The following NKAIN2 variants were observed in gnomAD, a reference collection of about 807,000 sequenced individuals.
NKAIN2 encodes sodium/potassium transporting ATPase interacting 2.
Under a neutral mutation model 32.6 loss-of-function variants are expected in NKAIN2, and 14 were observed. The observed-to-expected ratio is 0.43, with a 90% CI of 0.28 to 0.67. The LOEUF (loss-of-function observed/expected upper bound fraction) is 0.67. Ranked by LOEUF, NKAIN2 falls within the 30% of genes least tolerant of loss-of-function variation. The pLI, the probability that NKAIN2 is intolerant of heterozygous loss-of-function variation, is 0.17. For synonymous variants in NKAIN2, 80 were observed against 87.2 expected (o/e 0.92, Z 0.46); for missense variants, 198 against 258.3 (o/e 0.77, Z 1.60).
chr6:124,500,681 TAAATAATAA>T (rs1160753123), intron 3 of NKAIN2, among the ~76,000 whole-genome samples: 1 of 150,736 alleles, frequency 6.6e-6, no homozygotes, highest in African/African-American at 2.4e-5. Context: ...AATAAATAAA[TAAATAATAA>T]AATAAATAAA....
At chr6:124,409,981 A>G (rs1180860027) in intron 3 of NKAIN2, among the ~76,000 whole-genome samples, 1 of 152,144 alleles carries the variant, frequency 6.6e-6, no homozygotes, top group African/African-American at 2.4e-5. Flanking sequence ...TTATTTGCAT[A>G]GAGGTGTTTA....
intron 3 of NKAIN2, among the ~76,000 whole-genome samples, chr6:124,601,225 C>T (rs756210769): frequency 1.3e-5 from 2 of 152,032 alleles, no homozygotes; most frequent in East Asian, 1.9e-4. Flanking sequence ...GTTAGCTTCA[C>T]GGCTTCCATT....
chr6:123,828,514 T>G (rs1198674041), intron 1 of NKAIN2, among the ~76,000 whole-genome samples: 1 of 152,190 alleles, frequency 6.6e-6, no homozygotes, highest in Non-Finnish European at 1.5e-5. Context: ...CCTAAAAGCC[T>G]ATTTAATATC....
intron 1 of NKAIN2, among the ~76,000 whole-genome samples, chr6:124,172,832 T>C (rs898693220): frequency 1.3e-5 from 2 of 152,132 alleles, no homozygotes; most frequent in East Asian, 3.9e-4. Context: ...TACATTAATA[T>C]TCAGAAATCA....
At chr6:124,024,947 ACTGCTCC>A (rs1781038270) in intron 1 of NKAIN2, among the ~76,000 whole-genome samples, 7 of 151,616 alleles carry the variant, frequency 4.6e-5, no homozygotes, top group African/African-American at 7.3e-5. Context: ...GGATGGCGCC[ACTGCTCC>A]AGCCTGGCAA....
chr6:124,719,110 T>C (rs1405103210), intron 4 of NKAIN2, among the ~76,000 whole-genome samples: 1 of 152,218 alleles, frequency 6.6e-6, no homozygotes. Flanking sequence ...TGGTATGATT[T>C]ATCATCTATC....
At chr6:124,489,287 T>C (rs866514610) in intron 3 of NKAIN2, among the ~76,000 whole-genome samples, 2 of 151,890 alleles carry the variant, frequency 1.3e-5, no homozygotes, top group African/African-American at 4.8e-5. Context: ...GTCATGAAAC[T>C]TGCCATGTCA....
At chr6:124,688,015 T>A (rs1247788374) in intron 4 of NKAIN2, among the ~76,000 whole-genome samples, 1 of 152,006 alleles carries the variant, frequency 6.6e-6, no homozygotes, top group Non-Finnish European at 1.5e-5. Context: ...AACAATTTAC[T>A]AACCATCATT....
chr6:124,397,275 G>A (rs1422994317), intron 3 of NKAIN2, among the ~76,000 whole-genome samples: 1 of 151,892 alleles, frequency 6.6e-6, no homozygotes, highest in Non-Finnish European at 1.5e-5. Flanking sequence ...ATAAATAAAT[G>A]TAATTATAAT....
intron 3 of NKAIN2, among the ~76,000 whole-genome samples, chr6:124,647,309 G>A (rs988280292): frequency 9.9e-5 from 15 of 151,682 alleles, no homozygotes; most frequent in Admixed American, 6.6e-5. Flanking sequence ...CACTTTGGAA[G>A]GCTGAGGCAG....
chr6:123,865,051 A>G (rs1206583717), intron 1 of NKAIN2, among the ~76,000 whole-genome samples: 2 of 152,150 alleles, frequency 1.3e-5, no homozygotes, highest in Admixed American at 6.5e-5. Context: ...CTTAGAAAAG[A>G]CCATTCTTTT....
intron 1 of NKAIN2, among the ~76,000 whole-genome samples, chr6:124,232,586 G>A (rs1204371747): frequency 6.6e-6 from 1 of 152,124 alleles, no homozygotes; most frequent in Non-Finnish European, 1.5e-5. Flanking sequence ...TGACACCCAA[G>A]ACAAGAAACA....
intron 1 of NKAIN2, among the ~76,000 whole-genome samples, chr6:124,122,191 A>G (rs1330505299): frequency 1.3e-5 from 2 of 152,110 alleles, no homozygotes; most frequent in Non-Finnish European, 1.5e-5. Flanking sequence ...CCATTTACCT[A>G]TAATGACATA....
intron 4 of NKAIN2, among the ~76,000 whole-genome samples, chr6:124,782,391 G>A (rs764795241): frequency 2.6e-5 from 4 of 152,056 alleles, no homozygotes; most frequent in Non-Finnish European, 5.9e-5. Context: ...AGAAGGAAAT[G>A]TTAACGTAGT....
At chr6:124,171,547 A>ATTTTTTTTTT (rs10665262) in intron 1 of NKAIN2, among the ~76,000 whole-genome samples, 12 of 96,466 alleles carry the variant, frequency 1.2e-4, no homozygotes, top group Admixed American at 4.3e-4. Context: ...GGCCGATTTG[A>ATTTTTTTTTT]TTTTTTTTTT....
chr6:124,318,083 T>C (rs759995844), intron 2 of NKAIN2, among the ~76,000 whole-genome samples: 4 of 152,036 alleles, frequency 2.6e-5, no homozygotes, highest in Non-Finnish European at 5.9e-5. Flanking sequence ...AGAATTTCAA[T>C]ACCATGTCTT....
intron 1 of NKAIN2, among the ~76,000 whole-genome samples, chr6:123,821,898 T>C (rs890552152): frequency 1.3e-5 from 2 of 152,158 alleles, no homozygotes; most frequent in African/African-American, 4.8e-5. Flanking sequence ...ATCAGAAAAA[T>C]CAGAAGTCAA....
chr6:123,846,370 G>A (rs1775091769), intron 1 of NKAIN2, among the ~76,000 whole-genome samples: 1 of 152,166 alleles, frequency 6.6e-6, no homozygotes, highest in Non-Finnish European at 1.5e-5. Flanking sequence ...CCCTGAACTT[G>A]CTTCTAGTCT....
intron 3 of NKAIN2, among the ~76,000 whole-genome samples, chr6:124,571,783 C>T (rs574376294): frequency 6.6e-6 from 1 of 152,238 alleles, no homozygotes; most frequent in South Asian, 2.1e-4. Flanking sequence ...TCTTACATTC[C>T]ATTCTCTCTC....
Sources: gnomAD v4.1 joint callset for allele counts (sites outside exome capture counted in the v4.1 genomes callset) on GRCh38, gnomAD v4.1.1 for gene constraint, MANE v1.5 for transcripts, NCBI Gene and HGNC (gene_info 2026-07-23, HGNC 2026-07-21) for gene names.